Variants in COL22A1 observed in about 807,000 individuals in gnomAD.
COL22A1 encodes collagen alpha-1(XXII) chain.
A neutral mutation model predicts 248.9 loss-of-function variants in COL22A1; 221 were observed. The ratio of observed to expected loss-of-function variants is 0.89; its 90% confidence interval spans 0.80 to 0.99. The LOEUF (loss-of-function observed/expected upper bound fraction) is 0.99. Ranked by LOEUF, COL22A1 falls within the 50% of genes least tolerant of loss-of-function variation. COL22A1 has a pLI of 0.00. For synonymous variants in COL22A1, 891 were observed against 793.4 expected (o/e 1.12, Z -2.07); for missense variants, 2,240 against 2,179.0 (o/e 1.03, Z -0.56).
rs1422135423 is a variant in COL22A1 at position 138,638,012 on chromosome 8, C to A, written c.3502-1217G>T. 3.3e-5 allele frequency among the ~76,000 whole-genome samples: 5 copies of A among 152,112 alleles called. No homozygotes were observed. In the East Asian group the frequency reaches 5.8e-4, roughly 18 times the overall value. On this transcript the variant is annotated intron_variant, in intron 47 of 64. Coordinates refer to ENST00000303045, the MANE Select transcript of COL22A1 (RefSeq NM_152888.3). ...GTCTACATCATAATGATCAACAACACCATGACTATTGTCATCACCATCATC... is the reference window on the plus strand; with the variant it reads ...GTCTACATCATAATGATCAACAACAACATGACTATTGTCATCACCATCATC...
intron 1 of COL22A1, among the ~76,000 whole-genome samples, chr8:138,909,373 GC>G (rs1180359163): frequency 6.9e-6 from 1 of 144,112 alleles, no homozygotes; most frequent in Non-Finnish European, 1.5e-5. Context: ...TGGCTGACTT[GC>G]CTTTTTTTTT....
intron 43 of COL22A1, 73 bp from the exon 44 acceptor site, chr8:138,660,553 G>A: frequency 7.5e-7 from 1 of 1,332,126 alleles, no homozygotes; most frequent in East Asian, 2.3e-5. Flanking sequence ...CACACCCTCT[G>A]CCAATCTCTC....
intron 47 of COL22A1, 69 bp from the exon 48 acceptor site, chr8:138,636,864 A>G (rs1297507245): frequency 1.6e-6 from 2 of 1,254,748 alleles, no homozygotes; most frequent in Non-Finnish European, 2.3e-6. Context: ...AATCATTTTC[A>G]TGCATTCATT....
chr8:138,664,221 A>G (rs865913200), intron 41 of COL22A1, among the ~76,000 whole-genome samples: 5,132 of 137,764 alleles, frequency 0.037, 162 homozygotes, highest in Non-Finnish European at 0.045. Context: ...ACACACACAC[A>G]CACACACACA....
chr8:138,676,704 A>G (rs1825585193), intron 40 of COL22A1, 69 bp from the exon 41 acceptor site: 1 of 1,138,444 alleles, frequency 8.8e-7, no homozygotes, highest in South Asian at 1.4e-5. Context: ...TACAAAATGA[A>G]TCATGCTTCT....
chr8:138,865,489 G>A (rs1057154952), intron 3 of COL22A1, among the ~76,000 whole-genome samples: 25 of 150,012 alleles, frequency 1.7e-4, no homozygotes, highest in African/African-American at 5.5e-4. Flanking sequence ...TTGTATGCAT[G>A]TGTATGTGTG....
At chr8:138,751,337 A>G in intron 22 of COL22A1, 121 bp downstream of exon 22, 1 of 671,384 alleles carries the variant, frequency 1.5e-6, no homozygotes, top group Non-Finnish European at 2.6e-6. Context: ...CCTTCATTCT[A>G]CTTCCAATAT....
chr8:138,634,899 G>T, intron 49 of COL22A1, 111 bp downstream of exon 49: 2 of 794,770 alleles, frequency 2.5e-6, no homozygotes, highest in Non-Finnish European at 4.2e-6. Flanking sequence ...TGGGTGTTGG[G>T]CCATCCCTTA....
chr8:138,898,083 C>T (rs773420191), intron 1 of COL22A1, among the ~76,000 whole-genome samples: 176 of 152,296 alleles, frequency 1.2e-3, no homozygotes, highest in Non-Finnish European at 2.2e-3. Context: ...ACTCTGCGCT[C>T]ATAACCTAAG....
At chr8:138,838,041 C>T (rs1366609387) in intron 4 of COL22A1, among the ~76,000 whole-genome samples, 1 of 152,106 alleles carries the variant, frequency 6.6e-6, no homozygotes, top group Non-Finnish European at 1.5e-5. Flanking sequence ...AGAAAAGCAG[C>T]AGCCAGTGTA....
intron 61 of COL22A1, among the ~76,000 whole-genome samples, chr8:138,597,533 A>G (rs1293061180): frequency 6.6e-6 from 1 of 152,168 alleles, no homozygotes; most frequent in Non-Finnish European, 1.5e-5. Context: ...TTTGACAACC[A>G]GAGGAGCAAG....
chr8:138,771,820 T>C (rs60506967), intron 16 of COL22A1, among the ~76,000 whole-genome samples: 3,210 of 152,240 alleles, frequency 0.021, 105 homozygotes, highest in African/African-American at 0.071. Context: ...GTGGCAGCTG[T>C]CCCAGTGGCA....
rs141183026 is a variant in COL22A1 at position 138,811,846 on chromosome 8, T to G, written c.1402A>C (p.Ile468Leu). ...CAGTTGATGGTCTTCAAAAACCCAA[T>G]CTGTTCACTGCCTGGGGTGGGAGGC... The part of the protein sequence containing the change: ...QRPPTPGSEQ[I>L]GFLKTINCSC... The change falls in exon 9 of 65, where the codon ATT becomes CTT. Residue 468 changes from isoleucine to leucine, a missense_variant. Ile to Leu is a conservative substitution (Grantham distance 5). Transcript: ENST00000303045. The G allele has an allele frequency of 6.3e-6, 10 of 1,596,544 alleles. No homozygotes were observed. The highest frequency in any genetic ancestry group is 8.5e-6 in the Non-Finnish European group (10 of 1,171,422).
intron 22 of COL22A1, among the ~76,000 whole-genome samples, chr8:138,737,975 C>A (rs1831251888): frequency 6.6e-6 from 1 of 152,142 alleles, no homozygotes; most frequent in Non-Finnish European, 1.5e-5. Context: ...GTAAGCCTTA[C>A]ACACGCACAC....
At chr8:138,717,850 T>C (rs1292582164) in intron 27 of COL22A1, among the ~76,000 whole-genome samples, 1 of 152,218 alleles carries the variant, frequency 6.6e-6, no homozygotes, top group Non-Finnish European at 1.5e-5. Flanking sequence ...ATGATGATGG[T>C]GGTGGTGAGC....
At chr8:138,616,363 T>C (rs1819320984) in intron 54 of COL22A1, among the ~76,000 whole-genome samples, 1 of 152,142 alleles carries the variant, frequency 6.6e-6, no homozygotes, top group African/African-American at 2.4e-5. Flanking sequence ...GCTCATCCAC[T>C]TGACCCTCTC....
intron 16 of COL22A1, among the ~76,000 whole-genome samples, chr8:138,774,938 C>G (rs974982026): frequency 6.6e-6 from 1 of 152,160 alleles, no homozygotes; most frequent in Non-Finnish European, 1.5e-5. Flanking sequence ...AGGGACACTC[C>G]CCATGTGTAA....
At chr8:138,852,639 T>A (rs1319866912) in intron 3 of COL22A1, among the ~76,000 whole-genome samples, 2 of 152,022 alleles carry the variant, frequency 1.3e-5, no homozygotes, top group Non-Finnish European at 2.9e-5. Context: ...CAGTGATGAA[T>A]GAGAGAGAGG....
chr8:138,744,050 C>A (rs1315616196), intron 22 of COL22A1, among the ~76,000 whole-genome samples: 1 of 152,148 alleles, frequency 6.6e-6, no homozygotes, highest in Non-Finnish European at 1.5e-5. Flanking sequence ...GAGCTGAAAC[C>A]AGGTGCGCAG....
Sources: gnomAD v4.1 joint callset for allele counts (sites outside exome capture counted in the v4.1 genomes callset) on GRCh38, gnomAD v4.1.1 for gene constraint, MANE v1.5 for transcripts, NCBI Gene and HGNC (gene_info 2026-07-23, HGNC 2026-07-21) for gene names.